The following POU4F2 variants were observed in gnomAD, a reference collection of about 807,000 sequenced individuals.
POU4F2 encodes the protein POU domain, class 4, transcription factor 2.
A neutral mutation model predicts 21.5 loss-of-function variants in POU4F2; 10 were observed. The ratio of observed to expected loss-of-function variants is 0.46; its 90% CI spans 0.29 to 0.79. The LOEUF (loss-of-function observed/expected upper bound fraction) is 0.79. Ranked by LOEUF, POU4F2 falls within the 30% of genes least tolerant of loss-of-function variation. The probability of loss-of-function intolerance (pLI) is 0.10; values close to 1 mark genes in which losing one functional copy is unlikely to be tolerated. For missense variants in POU4F2, 623 were observed against 603.3 expected, an observed-to-expected ratio of 1.03 and a Z score of -0.34; for synonymous variants, 324 against 271.1, an observed-to-expected ratio of 1.20 and a Z score of -1.92.
At position 146,639,015 on chromosome 4, in the gene POU4F2, C is replaced by A. The variant is rs1223657893; in HGVS notation, c.-126C>A. 5.6e-6 allele frequency: 7 copies of A among 1,245,286 alleles called. No individual in the cohort carries two copies. The highest frequency in any genetic ancestry group is 4.8e-5 in the African/African-American group (3 of 62,172). 77.1% of individuals were successfully genotyped at this position (1,245,286 alleles called of 1,614,324 possible). On this transcript the variant is annotated 5_prime_UTR_variant, in exon 1 of 2. Transcript: ENST00000281321. ...GGCGTACAGAGTCCGGAGGCGGCGG[C>A]GGGTGAGCTCAACTTCGCACAGCCC...
chr4:146,640,087 CG>C lies in POU4F2; in HGVS notation c.510del (p.His171ThrfsTer26). 1 of 1,604,510 alleles carries C rather than the reference CG, an allele frequency of 6.2e-7. No homozygotes were observed. On this transcript the variant is annotated frameshift_variant, in exon 2 of 2. Transcript: ENST00000281321. LOFTEE classifies it high-confidence loss of function. This position sits in a 1 kb window ranked among gnomAD's most constrained non-coding sequence, Gnocchi z 4.8. ...PISHPSALAG[T>X]HHHHHHHHHH... ...TCGCACCCTTCCGCGTTGGCGGGCACGCACCACCACCACCACCATCACCACC... is the reference window on the plus strand; with the variant it reads ...TCGCACCCTTCCGCGTTGGCGGGCACCACCACCACCACCACCATCACCACC...
In POU4F2 at chr4:146,642,228, C is replaced by T. The variant is rs1328052300; in HGVS notation, c.*1420C>T. On this transcript the variant is annotated 3_prime_UTR_variant, in exon 2 of 2. Transcript: ENST00000281321. ...AATATTTCATTAAAAATGATGCACA[C>T]ATAGATATATTCTTACAAATTTTGC... is the stretch of plus-strand genomic sequence containing the variant. The T allele has an allele frequency of 6.6e-6, 1 of 152,452 alleles. No homozygotes were observed. Among genetic ancestry groups the T allele is most frequent in the Non-Finnish European group, 1.5e-5 (1 of 68,040 alleles). The allele number at this position is 152,452 out of a possible 1,614,324, so 9.4% of individuals were successfully genotyped here. A position where few individuals can be genotyped will look rare whatever the true frequency, so the allele number is the denominator to read the frequency against.
At position 146,640,765 on chromosome 4, in the gene POU4F2, A is replaced by G; in HGVS notation, c.1187A>G (p.Gln396Arg). Residue 396 changes from glutamine to arginine, a missense_variant, in exon 2 of 2, where the codon CAG becomes CGG. Around this residue, in one of 3 missense-constraint regions of POU4F2, gnomAD observed 523 missense variants for 504.1 expected, o/e 1.04. Coordinates refer to ENST00000281321, the MANE Select transcript of POU4F2 (RefSeq NM_004575.3). This position sits in a 1 kb window ranked among gnomAD's most constrained non-coding sequence, Gnocchi z 4.8. ...KNVVRVWFCNQRQKQKRMKYS... is the reference protein window; with the variant it reads ...KNVVRVWFCNRRQKQKRMKYS... ...GTGGTGCGCGTCTGGTTCTGCAACC[A>G]GAGGCAGAAACAGAAAAGAATGAAA... 3 of 1,613,054 alleles carry G rather than the reference A, an allele frequency of 1.9e-6. No homozygotes were observed. Among genetic ancestry groups the G allele is most frequent in the Non-Finnish European group, 2.5e-6 (3 of 1,179,718 alleles).
chr4:146,639,025 C>G lies in POU4F2; in HGVS notation c.-116C>G. 1 of 1,297,812 alleles carries G rather than the reference C, an allele frequency of 7.7e-7. No individual in the cohort carries two copies. Among genetic ancestry groups the G allele is most frequent in the Non-Finnish European group, 1.0e-6 (1 of 967,500 alleles). 80.4% of individuals were successfully genotyped at this position (1,297,812 alleles called of 1,614,324 possible). On this transcript the variant is annotated 5_prime_UTR_variant, in exon 1 of 2. Coordinates refer to ENST00000281321, the MANE Select transcript of POU4F2 (RefSeq NM_004575.3). ...GTCCGGAGGCGGCGGCGGGTGAGCT[C>G]AACTTCGCACAGCCCTTCCCAGCTC...
At position 146,639,917 on chromosome 4, in the gene POU4F2, T is replaced by C; in HGVS notation, c.339T>C (p.Ala113=). 1.3e-6 allele frequency: 2 copies of C among 1,582,202 alleles called. No homozygotes were observed. The highest frequency in any genetic ancestry group is 4.5e-5 in the East Asian group (2 of 44,464). Reference sequence around the variant, plus strand: ...AGAGTCTGCTGGCCCGCGCCGAGGCTCTGGCAGCCGTGGACATCGTCTCCC... The same window carrying C: ...AGAGTCTGCTGGCCCGCGCCGAGGCCCTGGCAGCCGTGGACATCGTCTCCC... ...LDESLLARAE[A]LAAVDIVSQS... The change falls in exon 2 of 2, where the codon GCT becomes GCC. Residue 113 remains alanine (A), a synonymous_variant. Coordinates refer to ENST00000281321, the MANE Select transcript of POU4F2 (RefSeq NM_004575.3).
Position 146,640,151 on chromosome 4 carries a change from G to A in POU4F2, c.573G>A (p.Glu191=), listed in dbSNP as rs753277964. ...AACCGCACCAGGCGCTGGAGGGCGAGCTGCTGGAGCACCTGAGTCCCGGGC... is the reference window on the plus strand; with the variant it reads ...AACCGCACCAGGCGCTGGAGGGCGAACTGCTGGAGCACCTGAGTCCCGGGC... ...HHQPHQALEG[E]LLEHLSPGLA... Residue 191 remains glutamate (E), a synonymous_variant, in exon 2 of 2, where the codon GAG becomes GAA. Coordinates refer to ENST00000281321, the MANE Select transcript of POU4F2 (RefSeq NM_004575.3). This position sits in a 1 kb window ranked among gnomAD's most constrained non-coding sequence, Gnocchi z 4.8. 3.1e-6 allele frequency: 5 copies of A among 1,594,976 alleles called. No individual in the cohort carries two copies. The highest frequency in any genetic ancestry group is 4.2e-6 in the Non-Finnish European group (5 of 1,177,030).
intron 1 of POU4F2, 88 bp from the exon 2 acceptor site, chr4:146,639,779 C>T (rs931278101): frequency 1.2e-5 from 15 of 1,301,166 alleles, no homozygotes; most frequent in African/African-American, 1.5e-5. Context: ...GGCGCGGCGA[C>T]GGTGTCGAGC....
chr4:146,641,087 G>C lies in POU4F2; in HGVS notation c.*279G>C. 3.0e-6 allele frequency: 1 copy of C among 331,734 alleles called. No individual in the cohort carries two copies. The highest frequency in any genetic ancestry group is 5.4e-6 in the Non-Finnish European group (1 of 184,884). The allele number at this position is 331,734 out of a possible 1,614,324, so 20.5% of individuals were successfully genotyped here. On this transcript the variant is annotated 3_prime_UTR_variant, in exon 2 of 2. Coordinates refer to ENST00000281321, the MANE Select transcript of POU4F2 (RefSeq NM_004575.3). ...CCTCGGCTTCTTCAGAGGAAGTGTG[G>C]AGATGGCTGTTTGCAGGAAGGCAGA...
Position 146,641,131 on chromosome 4 carries a change from G to A in POU4F2, c.*323G>A. The A allele has an allele frequency of 4.1e-6, 1 of 242,252 alleles. No homozygotes were observed. 15.0% of individuals were successfully genotyped at this position (242,252 alleles called of 1,614,324 possible). A position where few individuals can be genotyped will look rare whatever the true frequency, so the allele number is the denominator to read the frequency against. ...AGGCAGACGAGACAGTGTTTAAAAA[G>A]TCCACAAGAATGATCAAGTAAGATT... is the stretch of plus-strand genomic sequence containing the variant. On this transcript the variant is annotated 3_prime_UTR_variant, in exon 2 of 2. Transcript: ENST00000281321.
rs754245487 is a variant in POU4F2 at position 146,639,848 on chromosome 4, C to CT, written c.289-17dup. On this transcript the variant is annotated intron_variant, in intron 1 of 1. Transcript: ENST00000281321. ...ATTCCCTGCTGAGCGTAATGTGTGC[C>CT]TTCTACTTACAATTGCAGAGCAATA... The CT allele has an allele frequency of 6.6e-7, 1 of 1,521,796 alleles. No homozygotes were observed. The highest frequency in any genetic ancestry group is 2.3e-5 in the East Asian group (1 of 43,666). The allele number at this position is 1,521,796 out of a possible 1,614,324, so 94.3% of individuals were successfully genotyped here.
chr4:146,639,130 CG>C lies in POU4F2; in HGVS notation c.-8del. ...GTGCCTCTACGGACCAGCGCCCCGGCGGGCGGGAAGATGATGATGATGTCCC... is the reference window on the plus strand; with the variant it reads ...GTGCCTCTACGGACCAGCGCCCCGGCGGCGGGAAGATGATGATGATGTCCC... On this transcript the variant is annotated 5_prime_UTR_variant, in exon 1 of 2. Coordinates refer to ENST00000281321, the MANE Select transcript of POU4F2 (RefSeq NM_004575.3). The C allele has an allele frequency of 6.2e-7, 1 of 1,600,292 alleles. No homozygotes were observed. The highest frequency in any genetic ancestry group is 1.1e-5 in the South Asian group (1 of 89,286).
Position 146,640,006 on chromosome 4 carries a change from A to G in POU4F2, c.428A>G (p.His143Arg). The G allele has an allele frequency of 6.2e-7, 1 of 1,612,346 alleles. No homozygotes were observed. ...HSPFKPDATY[H>R]TMNTIPCTSA... Reference sequence around the variant, plus strand: ...CCCTTCAAACCGGACGCCACCTACCACACTATGAATACCATCCCGTGCACG... The same window carrying G: ...CCCTTCAAACCGGACGCCACCTACCGCACTATGAATACCATCCCGTGCACG... The change falls in exon 2 of 2, where the codon CAC becomes CGC. Residue 143 changes from histidine (H) to arginine (R), a missense_variant. His to Arg is a conservative substitution (Grantham distance 29). Transcript: ENST00000281321. This position sits in a 1 kb window ranked among gnomAD's most constrained non-coding sequence, Gnocchi z 4.8.
At position 146,638,949 on chromosome 4, in the gene POU4F2, A is replaced by G. The variant is rs1740809007; in HGVS notation, c.-192A>G. 4.5e-6 allele frequency: 3 copies of G among 673,908 alleles called. No homozygotes were observed. Among genetic ancestry groups the G allele is most frequent in the African/African-American group, 3.9e-5 (2 of 51,396 alleles). 41.7% of individuals were successfully genotyped at this position (673,908 alleles called of 1,614,324 possible). ...CAAGCGGAGTCAGGCATCCGTTCAGACTGACAGCAGAGGCGGCGAAGGAGC... is the reference window on the plus strand; with the variant it reads ...CAAGCGGAGTCAGGCATCCGTTCAGGCTGACAGCAGAGGCGGCGAAGGAGC... On this transcript the variant is annotated 5_prime_UTR_variant, in exon 1 of 2. Coordinates refer to ENST00000281321, the MANE Select transcript of POU4F2 (RefSeq NM_004575.3).
At position 146,639,338 on chromosome 4, in the gene POU4F2, C is replaced by A. The variant is rs1174268866; in HGVS notation, c.198C>A (p.Gly66=). ...GGGGGGGGGG[G]GGRSSSSSSS... ...GCGGCGGCGGCGGCGGCGGCGGCGG[C>A]GGAGGCCGAAGCAGCAGCTCCAGCA... Residue 66 remains glycine (G), a synonymous_variant, in exon 1 of 2, where the codon GGC becomes GGA. Coordinates refer to ENST00000281321, the MANE Select transcript of POU4F2 (RefSeq NM_004575.3). 6.9e-7 allele frequency: 1 copy of A among 1,441,032 alleles called. No homozygotes were observed. Among genetic ancestry groups the A allele is most frequent in the South Asian group, 1.4e-5 (1 of 71,244 alleles). The allele number at this position is 1,441,032 out of a possible 1,614,324, so 89.3% of individuals were successfully genotyped here.
At position 146,639,976 on chromosome 4, in the gene POU4F2, A is replaced by C. The variant is rs758697090; in HGVS notation, c.398A>C (p.His133Pro). ...AGCCACCACCACCATCCACCCCACC[A>C]CAGCCCCTTCAAACCGGACGCCACC... Reference protein sequence around the residue: ...SKSHHHHPPHHSPFKPDATYH... With the variant: ...SKSHHHHPPHPSPFKPDATYH... Residue 133 changes from histidine to proline, a missense_variant, in exon 2 of 2, where the codon CAC (histidine) becomes CCC (proline). Physicochemically the swap from His to Pro is moderately conservative, Grantham distance 77. Around this residue, in one of 3 missense-constraint regions of POU4F2, gnomAD observed 523 missense variants for 504.1 expected, o/e 1.04. Transcript: ENST00000281321. 1.2e-6 allele frequency: 2 copies of C among 1,613,100 alleles called. No individual in the cohort carries two copies. The highest frequency in any genetic ancestry group is 4.5e-5 in the East Asian group (2 of 44,852).
Position 146,640,562 on chromosome 4 carries a change from G to A in POU4F2, c.984G>A (p.Lys328=), listed in dbSNP as rs751098355. The A allele has an allele frequency of 6.2e-7, 1 of 1,613,794 alleles. No individual in the cohort carries two copies. The highest frequency in any genetic ancestry group is 2.2e-5 in the East Asian group (1 of 44,878). ...AGGCATGGCTCGAGGAGGCCGAGAA[G>A]TCCCACCGCGAGAAGCTCACCAAGC... ...ILQAWLEEAE[K]SHREKLTKPE... is the part of the protein sequence containing the mutation. Residue 328 remains lysine (K), a synonymous_variant, in exon 2 of 2, where the codon AAG becomes AAA. Coordinates refer to ENST00000281321, the MANE Select transcript of POU4F2 (RefSeq NM_004575.3). The surrounding 1 kb of genome is among the most constrained non-coding windows in gnomAD (Gnocchi z 4.8).
In POU4F2 at chr4:146,639,259, T is replaced by C. The variant is rs13152799; in HGVS notation, c.119T>C (p.Ile40Thr). 138,718 of 1,576,134 alleles carry C rather than the reference T, an allele frequency of 0.088. 6,591 individuals are homozygous for C. Among genetic ancestry groups the C allele is most frequent in the African/African-American group, 0.18 (12,508 of 71,078 alleles). ...ACCTCGCCGGGCTCCTCGGCTCCCA[T>C]CGCGCCCTCGGCCAGCTCCCCCAGC... is the stretch of plus-strand genomic sequence containing the variant. ...HSTSPGSSAP[I>T]APSASSPSSS... The change falls in exon 1 of 2, where the codon ATC becomes ACC. Residue 40 changes from isoleucine to threonine, a missense_variant. By Grantham distance (89) the Ile-to-Thr change is moderately conservative. This residue lies in a region of POU4F2 where 94 missense variants were observed against 74.1 expected (regional missense o/e 1.27). Transcript: ENST00000281321.
In POU4F2 at chr4:146,640,408, C is replaced by T; in HGVS notation, c.830C>T (p.Ala277Val). The T allele has an allele frequency of 6.2e-7, 1 of 1,610,508 alleles. No homozygotes were observed. The highest frequency in any genetic ancestry group is 8.5e-7 in the Non-Finnish European group (1 of 1,179,326). ...QRRIKLGVTQ[A>V]DVGSALANLK... Reference sequence around the variant, plus strand: ...CGCATCAAGCTGGGGGTGACCCAGGCAGATGTGGGCTCCGCGCTGGCCAAC... The same window carrying T: ...CGCATCAAGCTGGGGGTGACCCAGGTAGATGTGGGCTCCGCGCTGGCCAAC... Residue 277 changes from alanine (A) to valine (V), a missense_variant, in exon 2 of 2, where the codon GCA (alanine) becomes GTA (valine). Physicochemically the swap from Ala to Val is moderately conservative, Grantham distance 64. Around this residue, in one of 3 missense-constraint regions of POU4F2, gnomAD observed 523 missense variants for 504.1 expected, o/e 1.04. Coordinates refer to ENST00000281321, the MANE Select transcript of POU4F2 (RefSeq NM_004575.3). This position sits in a 1 kb window ranked among gnomAD's most constrained non-coding sequence, Gnocchi z 4.8.
rs980392386 is a variant in POU4F2, at chr4:146,641,756, G to T, written c.*948G>T. 3 of 152,598 alleles carry T rather than the reference G, an allele frequency of 2.0e-5. No homozygotes were observed. The highest frequency in any genetic ancestry group is 2.0e-4 in the Admixed American group (3 of 15,266). 9.5% of individuals were successfully genotyped at this position (152,598 alleles called of 1,614,324 possible). On this transcript the variant is annotated 3_prime_UTR_variant, in exon 2 of 2. Coordinates refer to ENST00000281321, the MANE Select transcript of POU4F2 (RefSeq NM_004575.3). ...ACTCAGTAATGGATGTCTTAATCGT[G>T]TAGACCTGATTCACTGTCTGAAGTA...
Sources: gnomAD v4.1 joint callset for allele counts on GRCh38, gnomAD v4.1.1 for gene constraint, gnomAD v4.1.1 regional missense constraint, Gnocchi (gnomAD v3.1) non-coding constraint, MANE v1.5 for transcripts, NCBI Gene and HGNC (gene_info 2026-07-23, HGNC 2026-07-21) for gene names.